The following CFAP44 variants were observed in gnomAD, a reference collection of about 807,000 sequenced individuals.
CFAP44 encodes cilia- and flagella-associated protein 44.
In CFAP44, 134 loss-of-function variants were observed where a neutral mutation model predicts 216.2. The ratio of observed to expected loss-of-function variants is 0.62; its 90% CI spans 0.54 to 0.72. CFAP44 has a LOEUF of 0.72. Among genes scored for constraint, CFAP44 ranks in the 30% least tolerant of loss-of-function variants. The pLI is 0.00. For missense variants in CFAP44, 2,035 were observed against 2,182.1 expected, an observed-to-expected ratio of 0.93 and a Z score of 1.34; for synonymous variants, 700 against 727.6, an observed-to-expected ratio of 0.96 and a Z score of 0.61.
chr3:113,329,298 CT>C (rs879722104), intron 26 of CFAP44, among the ~76,000 whole-genome samples: 7 of 152,108 alleles, frequency 4.6e-5, no homozygotes, highest in Non-Finnish European at 1.0e-4. Flanking sequence ...CTGAGCCATG[CT>C]TTGAATGATA....
chr3:113,426,794 C>A, intron 3 of CFAP44: 1 of 214,536 alleles, frequency 4.7e-6, no homozygotes. Flanking sequence ...AAGCAGTCAT[C>A]GGTGAGCATG....
intron 1 of CFAP44, among the ~76,000 whole-genome samples, chr3:113,436,320 T>G (rs1223077760): frequency 6.6e-6 from 1 of 152,126 alleles, no homozygotes; most frequent in East Asian, 1.9e-4. Context: ...GTGGGTAAAA[T>G]TGTTTAGATA....
At position 113,403,925 on chromosome 3, in the gene CFAP44, T is replaced by A. The variant is rs1408053638; in HGVS notation, c.1097A>T (p.His366Leu). The A allele has an allele frequency of 6.2e-7, 1 of 1,614,086 alleles. No individual in the cohort carries two copies. The highest frequency in any genetic ancestry group is 2.2e-5 in the East Asian group (1 of 44,896). ...CATTATCTGGTTAATGGGACCATTG[T>A]GACATGACTTGCTTGTCCCTCGACA... ...ELCRGTSKSC[H>L]NGPINQIMLY... The change falls in exon 9 of 35, where the codon CAC becomes CTC. Residue 366 changes from histidine (H) to leucine (L), a missense_variant. Physicochemically the swap from His to Leu is moderately conservative, Grantham distance 99. Transcript: ENST00000393845.
chr3:113,316,030 T>C (rs1034756121), intron 28 of CFAP44, among the ~76,000 whole-genome samples: 2 of 152,180 alleles, frequency 1.3e-5, no homozygotes, highest in Non-Finnish European at 2.9e-5. Flanking sequence ...AATACCAAGA[T>C]AGATCATATG....
intron 18 of CFAP44, among the ~76,000 whole-genome samples, chr3:113,373,059 T>A (rs1185317329): frequency 6.6e-6 from 1 of 152,214 alleles, no homozygotes; most frequent in Non-Finnish European, 1.5e-5. Flanking sequence ...TTTGCCTAGT[T>A]CTCAATTATT....
At chr3:113,365,926 C>A in intron 19 of CFAP44, 113 bp downstream of exon 19, 1 of 1,180,196 alleles carries the variant, frequency 8.5e-7, no homozygotes, top group Non-Finnish European at 1.2e-6. Flanking sequence ...AAGATTAGAC[C>A]ATAAGGTGAA....
At chr3:113,383,772 T>G (rs1282145537) in intron 15 of CFAP44, among the ~76,000 whole-genome samples, 2 of 152,088 alleles carry the variant, frequency 1.3e-5, no homozygotes, top group Admixed American at 6.5e-5. Context: ...AAATTATACT[T>G]TAAGTTCTAG....
chr3:113,430,428 T>TAAAAAA (rs1935074786), intron 2 of CFAP44, among the ~76,000 whole-genome samples: 1 of 40,216 alleles, frequency 2.5e-5, no homozygotes, highest in Non-Finnish European at 5.0e-5. Flanking sequence ...GAAAAATAAA[T>TAAAAAA]GAAAAAAAAA....
In CFAP44 at chr3:113,291,824, T is replaced by C; in HGVS notation, c.5374-76A>G. 2.7e-6 allele frequency: 4 copies of C among 1,468,164 alleles called. No individual in the cohort carries two copies. The South Asian group carries it at 5.1e-5, about 19-fold the overall frequency. 90.9% of individuals were successfully genotyped at this position (1,468,164 alleles called of 1,614,324 possible). ...ACTCCATGCCCTTATACTGTGTATCTGTGATGAGTGCTGGCCTGACAGTCA... is the reference window on the plus strand; with the variant it reads ...ACTCCATGCCCTTATACTGTGTATCCGTGATGAGTGCTGGCCTGACAGTCA... On this transcript the variant is annotated intron_variant, in intron 34 of 34. Transcript: ENST00000393845.
chr3:113,295,993 A>G (rs1410863520), intron 33 of CFAP44, among the ~76,000 whole-genome samples: 1 of 152,178 alleles, frequency 6.6e-6, no homozygotes, highest in Non-Finnish European at 1.5e-5. Context: ...TTTCTAGCAG[A>G]CCCATCACCA....
intron 8 of CFAP44, among the ~76,000 whole-genome samples, chr3:113,406,134 A>C (rs1015491671): frequency 1.3e-5 from 2 of 151,958 alleles, no homozygotes; most frequent in Non-Finnish European, 1.5e-5. Flanking sequence ...TTTATAAGAG[A>C]AAGAAAGGAA....
At position 113,419,601 on chromosome 3, in the gene CFAP44, T is replaced by C. The variant is rs766594763; in HGVS notation, c.570+416A>G. Among the ~76,000 whole-genome samples, 41 of 152,218 alleles carry C rather than the reference T, an allele frequency of 2.7e-4. 1 individual carries two copies. The highest frequency in any genetic ancestry group is 5.0e-4 in the Non-Finnish European group (34 of 68,046). On this transcript the variant is annotated intron_variant, in intron 5 of 34. Coordinates refer to ENST00000393845, the MANE Select transcript of CFAP44 (RefSeq NM_001164496.2). ...ATATCCTGTTTCCATAGTCAATCTATGTCTACATCCTATGTGTGTGTCTCA... is the reference window on the plus strand; with the variant it reads ...ATATCCTGTTTCCATAGTCAATCTACGTCTACATCCTATGTGTGTGTCTCA...
intron 22 of CFAP44, among the ~76,000 whole-genome samples, chr3:113,349,234 TC>T (rs1176942970): frequency 1.3e-5 from 2 of 152,110 alleles, no homozygotes; most frequent in Non-Finnish European, 2.9e-5. Flanking sequence ...GAAAATATAC[TC>T]CCCTGTCAGC....
At chr3:113,408,374 G>A (rs1197447705) in intron 7 of CFAP44, among the ~76,000 whole-genome samples, 1 of 152,204 alleles carries the variant, frequency 6.6e-6, no homozygotes, top group Non-Finnish European at 1.5e-5. Flanking sequence ...TTCGTATTGA[G>A]TGTTCCTTGT....
intron 13 of CFAP44, 114 bp downstream of exon 13, chr3:113,399,792 C>T (rs1934093022): frequency 1.1e-5 from 7 of 645,480 alleles, no homozygotes; most frequent in Non-Finnish European, 1.7e-5. Context: ...TAACTTAAAA[C>T]TTTTATTATT....
At position 113,296,766 on chromosome 3, in the gene CFAP44, G is replaced by A. The variant is rs764605240; in HGVS notation, c.5197C>T (p.Arg1733Ter). 7.2e-6 allele frequency: 11 copies of A among 1,537,674 alleles called. No individual in the cohort carries two copies. Among genetic ancestry groups the A allele is most frequent in the South Asian group, 2.4e-5 (2 of 84,036 alleles). The change falls in exon 33 of 35, where the codon CGA becomes TGA. Residue 1733 changes from arginine (R) to a stop codon, truncating the protein, a stop_gained. Transcript: ENST00000393845. LOFTEE classifies it high-confidence loss of function. Reference protein sequence around the residue: ...TLEELKIRKLRKELANAKEMK... With the variant: ...TLEELKIRKL ...TCTTTCGCATTTGCTAGCTCCTTTC[G>A]AAGTTTTCTGATCTTCAGTTCTTCA...
chr3:113,323,795 G>A (rs903888466), intron 28 of CFAP44, among the ~76,000 whole-genome samples: 4 of 152,158 alleles, frequency 2.6e-5, no homozygotes, highest in African/African-American at 9.7e-5. Flanking sequence ...TGTAATCCCA[G>A]CACTTTGGGA....
intron 22 of CFAP44, 101 bp downstream of exon 22, chr3:113,358,644 C>A: frequency 7.2e-7 from 1 of 1,396,736 alleles, no homozygotes; most frequent in Non-Finnish European, 9.3e-7. Flanking sequence ...TGGGTACTTC[C>A]AGAGCCCTCT....
At chr3:113,383,433 C>T (rs908393516) in intron 15 of CFAP44, among the ~76,000 whole-genome samples, 1 of 152,158 alleles carries the variant, frequency 6.6e-6, no homozygotes, top group Non-Finnish European at 1.5e-5. Context: ...GGGCTCCACC[C>T]TCATGACCTA....
Sources: allele counts gnomAD v4.1 joint callset (sites outside exome capture counted in the v4.1 genomes callset), GRCh38; gene constraint gnomAD v4.1.1; transcripts MANE v1.5; gene names NCBI Gene and HGNC (gene_info 2026-07-23, HGNC 2026-07-21).